The following EPHA6 variants were observed in gnomAD, a reference collection of about 807,000 sequenced individuals.
The protein encoded by EPHA6 is ephrin type-A receptor 6.
Under a neutral mutation model 112.0 loss-of-function variants are expected in EPHA6, and 50 were observed. That is an observed-to-expected ratio of 0.45 (90% confidence interval 0.36 to 0.56). The LOEUF (loss-of-function observed/expected upper bound fraction) is 0.56. EPHA6 is among the 20% of genes least tolerant of loss of function. The pLI is 0.00. For missense variants in EPHA6, 1,280 were observed against 1,417.4 expected (o/e 0.90, Z 1.56); for synonymous variants, 529 against 490.7 (o/e 1.08, Z -1.03).
Position 97,543,016 on chromosome 3 carries a change from T to C in EPHA6, c.2386+10473T>C, listed in dbSNP as rs140718254. Among the ~76,000 whole-genome samples, 309 of 152,338 alleles carry C rather than the reference T, an allele frequency of 2.0e-3. 1 individual carries two copies. Among genetic ancestry groups the C allele is most frequent in the African/African-American group, 7.3e-3 (303 of 41,568 alleles). ...ATTAGCCTTTTGTCAGATGAATAGA[T>C]TGCAAAAATTTTCTCCCACTTTGTA... On this transcript the variant is annotated intron_variant, in intron 11 of 17. Transcript: ENST00000389672.
intron 3 of EPHA6, among the ~76,000 whole-genome samples, chr3:97,156,351 A>T (rs1298704046): frequency 6.6e-6 from 1 of 152,170 alleles, no homozygotes; most frequent in African/African-American, 2.4e-5. Flanking sequence ...ATACAAATAA[A>T]TATACTTAAC....
At chr3:97,452,657 A>G (rs1343738747) in intron 7 of EPHA6, among the ~76,000 whole-genome samples, 1 of 151,744 alleles carries the variant, frequency 6.6e-6, no homozygotes. Flanking sequence ...AATACTTCAT[A>G]TGGATTTTCT....
At chr3:97,498,328 A>T (rs1004981536) in intron 10 of EPHA6, among the ~76,000 whole-genome samples, 2 of 144,250 alleles carry the variant, frequency 1.4e-5, no homozygotes, top group Non-Finnish European at 1.5e-5. Context: ...AAAAGAAAAT[A>T]GCAAAAAAAA....
Position 96,981,922 on chromosome 3 carries a change from A to G in EPHA6, c.451-5408A>G, listed in dbSNP as rs188960616. On this transcript the variant is annotated intron_variant, in intron 2 of 17. Transcript: ENST00000389672. The stretch of plus-strand genomic sequence containing the variant: ...GATATCCCCTTTATCATTTTTTATT[A>G]CATCTATTTGATTCTTCTCTCTTTT... Among the ~76,000 whole-genome samples, 235 of 151,856 alleles carry G rather than the reference A, an allele frequency of 1.5e-3. 1 individual carries two copies. The highest frequency in any genetic ancestry group is 9.9e-3 in the Admixed American group (151 of 15,216).
At chr3:97,533,231 A>C (rs777023639) in intron 11 of EPHA6, among the ~76,000 whole-genome samples, 3 of 152,086 alleles carry the variant, frequency 2.0e-5, no homozygotes, top group Non-Finnish European at 4.4e-5. Flanking sequence ...GAATTATTAT[A>C]TATAAAATCC....
chr3:97,277,501 G>C (rs114207876), intron 5 of EPHA6, among the ~76,000 whole-genome samples: 7,721 of 152,158 alleles, frequency 0.051, 610 homozygotes, highest in African/African-American at 0.17. Flanking sequence ...GGATGTGTAC[G>C]TGCAGTCACA....
Position 97,558,171 on chromosome 3 carries a change from G to A in EPHA6, c.2386+25628G>A, listed in dbSNP as rs150167666. 8.5e-5 allele frequency among the ~76,000 whole-genome samples: 13 copies of A among 152,086 alleles called. No individual in the cohort carries two copies. The East Asian group carries it at 2.3e-3, about 27-fold the overall frequency. ...CATAGGCATGGGTAGAGGAAGACAG[G>A]CCATTTGATTCCTAGGTTCTGCACA... On this transcript the variant is annotated intron_variant, in intron 11 of 17. Transcript: ENST00000389672.
intron 14 of EPHA6, among the ~76,000 whole-genome samples, chr3:97,639,614 A>G (rs1489458567): frequency 6.6e-6 from 1 of 152,168 alleles, no homozygotes; most frequent in African/African-American, 2.4e-5. Context: ...ATAAAATAAT[A>G]TTTTAACTGC....
intron 5 of EPHA6, among the ~76,000 whole-genome samples, chr3:97,400,221 A>G (rs2086915992): frequency 6.6e-6 from 1 of 151,526 alleles, no homozygotes; most frequent in Admixed American, 6.6e-5. Context: ...TGAGGAAAGG[A>G]ATGTATGTTT....
chr3:97,735,910 T>A lies in EPHA6; in HGVS notation c.2935-15T>A. ...CCTAAAAATAAGAGAGTAATCTGTA[T>A]ATGTTTGCATTTAGGTCATTCTGTC... On this transcript the variant is annotated splice_polypyrimidine_tract_variant and intron_variant, in intron 15 of 17. Transcript: ENST00000389672. The A allele has an allele frequency of 6.3e-7, 1 of 1,588,052 alleles. No homozygotes were observed. The highest frequency in any genetic ancestry group is 1.3e-5 in the African/African-American group (1 of 74,176).
intron 15 of EPHA6, among the ~76,000 whole-genome samples, chr3:97,732,081 T>C (rs183386212): frequency 8.5e-5 from 13 of 152,058 alleles, no homozygotes; most frequent in Non-Finnish European, 1.5e-4. Context: ...TCTAATATAA[T>C]TTACTTTCTA....
chr3:97,542,543 T>G (rs1438978214), intron 11 of EPHA6, among the ~76,000 whole-genome samples: 1 of 152,186 alleles, frequency 6.6e-6, no homozygotes, highest in South Asian at 2.1e-4. Flanking sequence ...TGAATAGTGC[T>G]GCTATAAACA....
intron 13 of EPHA6, among the ~76,000 whole-genome samples, chr3:97,634,446 G>A (rs2093929055): frequency 6.6e-6 from 1 of 151,852 alleles, no homozygotes; most frequent in Non-Finnish European, 1.5e-5. Flanking sequence ...ATAGACAGAA[G>A]ATTGTAGTGA....
intron 5 of EPHA6, among the ~76,000 whole-genome samples, chr3:97,310,502 T>C (rs1403366622): frequency 6.6e-6 from 1 of 151,604 alleles, no homozygotes; most frequent in Non-Finnish European, 1.5e-5. Context: ...ACATGTATGA[T>C]TTTGATCTTC....
intron 3 of EPHA6, among the ~76,000 whole-genome samples, chr3:97,041,127 T>G (rs1664466848): frequency 6.6e-6 from 1 of 152,166 alleles, no homozygotes; most frequent in Non-Finnish European, 1.5e-5. Context: ...TCCTCTGTAC[T>G]AACAGTCCTA....
At chr3:96,973,640 A>T (rs1225428164) in intron 2 of EPHA6, among the ~76,000 whole-genome samples, 1 of 151,416 alleles carries the variant, frequency 6.6e-6, no homozygotes, top group Non-Finnish European at 1.5e-5. Flanking sequence ...TTTGGCCAAC[A>T]TGGTGAAACC....
rs145415651 is a variant in EPHA6, at chr3:96,883,221, A to G, written c.450+16332A>G. On this transcript the variant is annotated intron_variant, in intron 2 of 17. Coordinates refer to ENST00000389672, the MANE Select transcript of EPHA6 (RefSeq NM_001080448.3). ...TCATATGTTTGTTGGCCATTTGTAT[A>G]TCTTCTTTTGAGAATTGTCTATTCA... Among the ~76,000 whole-genome samples the G allele has an allele frequency of 6.2e-3, 939 of 152,138 alleles. 7 individuals are homozygous for G. The highest frequency in any genetic ancestry group is 0.021 in the African/African-American group (886 of 41,500).
chr3:96,913,088 G>A (rs571211552), intron 2 of EPHA6, among the ~76,000 whole-genome samples: 52 of 150,636 alleles, frequency 3.5e-4, no homozygotes, highest in African/African-American at 1.2e-3. Context: ...CAGTACTTTG[G>A]GAGGCTAAGG....
rs187706457 is a variant in EPHA6 at position 97,585,419 on chromosome 3, G to A, written c.2387-7193G>A. Among the ~76,000 whole-genome samples the A allele has an allele frequency of 4.0e-3, 613 of 152,090 alleles. 3 individuals are homozygous for A. Among genetic ancestry groups the A allele is most frequent in the Non-Finnish European group, 6.0e-3 (411 of 67,978 alleles). On this transcript the variant is annotated intron_variant, in intron 11 of 17. Transcript: ENST00000389672. ...CAGCAACCATAATTTTGTGATACGC[G>A]TTCTACAAGTCCAAAGTTTTAAAAA...
Sources: allele counts gnomAD v4.1 joint callset (sites outside exome capture counted in the v4.1 genomes callset), GRCh38; gene constraint gnomAD v4.1.1; transcripts MANE v1.5; gene names NCBI Gene and HGNC (gene_info 2026-07-23, HGNC 2026-07-21).